Variants in PDE4B observed in about 807,000 individuals in gnomAD.
PDE4B encodes the protein phosphodiesterase 4B, also known as 3',5'-cyclic-AMP phosphodiesterase 4B.
In PDE4B, 20 loss-of-function variants were observed where a neutral mutation model predicts 82.2. The observed-to-expected ratio is 0.24, with a 90% confidence interval of 0.17 to 0.35. The LOEUF is 0.35. Ranked by LOEUF, PDE4B falls within the 10% of genes least tolerant of loss-of-function variation. The pLI is 1.00. For synonymous variants in PDE4B, 320 were observed against 318.9 expected, an observed-to-expected ratio of 1.00 and a Z score of -0.04; for missense variants, 655 against 907.2, an observed-to-expected ratio of 0.72 and a Z score of 3.57.
At chr1:65,870,342 A>C (rs987875656) in intron 1 of PDE4B, among the ~76,000 whole-genome samples, 1 of 152,178 alleles carries the variant, frequency 6.6e-6, no homozygotes, top group Non-Finnish European at 1.5e-5. Context: ...CATAAAGTGT[A>C]TCATTTCTCC....
intron 8 of PDE4B, among the ~76,000 whole-genome samples, chr1:66,346,466 G>A (rs1188160939): frequency 6.6e-6 from 1 of 152,194 alleles, no homozygotes; most frequent in Non-Finnish European, 1.5e-5. Flanking sequence ...TTTAACTTAA[G>A]CATAAGACCA....
chr1:66,273,469 A>C (rs1466915326), intron 7 of PDE4B, among the ~76,000 whole-genome samples: 1 of 152,266 alleles, frequency 6.6e-6, no homozygotes, highest in East Asian at 1.9e-4. Flanking sequence ...GATATATACT[A>C]TGTGCATAGG....
chr1:65,821,140 T>C (rs1645947283), intron 1 of PDE4B, among the ~76,000 whole-genome samples: 1 of 152,234 alleles, frequency 6.6e-6, no homozygotes, highest in Non-Finnish European at 1.5e-5. Flanking sequence ...TCTCTAATGA[T>C]GACTCCAGCT....
chr1:65,926,998 G>T (rs1647538517), intron 3 of PDE4B, among the ~76,000 whole-genome samples: 1 of 152,056 alleles, frequency 6.6e-6, no homozygotes, highest in South Asian at 2.1e-4. Flanking sequence ...CACCAGGCTA[G>T]AATTTTATAA....
At chr1:65,950,530 T>A (rs764299562) in intron 3 of PDE4B, among the ~76,000 whole-genome samples, 12 of 151,956 alleles carry the variant, frequency 7.9e-5, no homozygotes, top group Non-Finnish European at 1.2e-4. Flanking sequence ...CAGAATAGGA[T>A]GGGGAAAACG....
At chr1:65,881,277 C>T (rs527309080) in intron 1 of PDE4B, among the ~76,000 whole-genome samples, 1 of 152,262 alleles carries the variant, frequency 6.6e-6, no homozygotes, top group African/African-American at 2.4e-5. Context: ...TTTCCCTCAC[C>T]AAAGTCCTGT....
chr1:65,840,197 G>A (rs770536818), intron 1 of PDE4B, among the ~76,000 whole-genome samples: 5 of 151,980 alleles, frequency 3.3e-5, no homozygotes, highest in Non-Finnish European at 7.4e-5. Context: ...GTGTGTGTAC[G>A]TATAAAATGG....
chr1:66,288,107 A>C (rs981831321), intron 7 of PDE4B, among the ~76,000 whole-genome samples: 1 of 152,262 alleles, frequency 6.6e-6, no homozygotes, highest in East Asian at 1.9e-4. Flanking sequence ...AGGAAGCATA[A>C]TAATGTCATC....
At chr1:66,259,580 G>A (rs1182306214) in intron 6 of PDE4B, among the ~76,000 whole-genome samples, 2 of 152,056 alleles carry the variant, frequency 1.3e-5, no homozygotes, top group Non-Finnish European at 2.9e-5. Context: ...ACCAAACCTG[G>A]CTGAGTGGCC....
At chr1:66,339,656 A>C (rs1660808633) in intron 8 of PDE4B, among the ~76,000 whole-genome samples, 1 of 152,176 alleles carries the variant, frequency 6.6e-6, no homozygotes, top group South Asian at 2.1e-4. Context: ...TTTTAAGGGG[A>C]GTATCTTTCT....
intron 3 of PDE4B, among the ~76,000 whole-genome samples, chr1:66,076,265 A>T (rs1656431948): frequency 6.6e-6 from 1 of 152,170 alleles, no homozygotes; most frequent in Non-Finnish European, 1.5e-5. Flanking sequence ...CTTGTAAGTG[A>T]GAACATGTAG....
intron 7 of PDE4B, among the ~76,000 whole-genome samples, chr1:66,282,052 G>C (rs1367841515): frequency 6.6e-6 from 1 of 152,152 alleles, no homozygotes; most frequent in South Asian, 2.1e-4. Flanking sequence ...TGCCCACACA[G>C]GTACCTGCGT....
At chr1:65,929,334 C>CA (rs1647699652) in intron 3 of PDE4B, among the ~76,000 whole-genome samples, 1 of 152,110 alleles carries the variant, frequency 6.6e-6, no homozygotes, top group South Asian at 2.1e-4. Context: ...TTCCTTCTGG[C>CA]AAAAAAGATT....
intron 3 of PDE4B, among the ~76,000 whole-genome samples, chr1:66,135,855 G>C (rs1480723990): frequency 6.6e-6 from 1 of 152,138 alleles, no homozygotes; most frequent in Admixed American, 6.5e-5. Flanking sequence ...TTTCAAGTTT[G>C]CATTTTAAGC....
chr1:66,358,920 G>T (rs560233843), intron 9 of PDE4B, among the ~76,000 whole-genome samples: 1 of 152,120 alleles, frequency 6.6e-6, no homozygotes, highest in South Asian at 2.1e-4. Context: ...AGTGGTGCAG[G>T]AGGACAGGGA....
At position 65,793,113 on chromosome 1, in the gene PDE4B, A is replaced by G. The variant is rs1431574221; in HGVS notation, c.-206A>G. On this transcript the variant is annotated 5_prime_UTR_variant, in exon 1 of 17. Transcript: ENST00000341517. ...CAGACTTTCGTCCCCCACCCCCGGG[A>G]GCGCGGAAGGCTCACTCGCAGCGCA... The G allele has an allele frequency of 1.3e-5, 2 of 151,746 alleles. No individual in the cohort carries two copies. Among genetic ancestry groups the G allele is most frequent in the Non-Finnish European group, 2.9e-5 (2 of 68,000 alleles). The allele number at this position is 151,746 out of a possible 1,614,324, so 9.4% of individuals were successfully genotyped here.
At chr1:66,154,279 A>G (rs187717247) in intron 3 of PDE4B, among the ~76,000 whole-genome samples, 147 of 152,314 alleles carry the variant, frequency 9.7e-4, no homozygotes, top group African/African-American at 3.3e-3. Context: ...TGTAATCTGA[A>G]CATAGAGCAC....
intron 3 of PDE4B, among the ~76,000 whole-genome samples, chr1:66,058,314 T>C (rs571855779): frequency 3.6e-4 from 55 of 152,308 alleles, no homozygotes; most frequent in African/African-American, 1.3e-3. Flanking sequence ...TGGGTTAGCA[T>C]TGAGTGTCTG....
At chr1:66,288,945 A>G (rs946511365) in intron 7 of PDE4B, among the ~76,000 whole-genome samples, 2 of 152,194 alleles carry the variant, frequency 1.3e-5, no homozygotes, top group African/African-American at 4.8e-5. Context: ...TGTGGTTTCA[A>G]CTGCACAGAT....
Sources: gnomAD v4.1 joint callset for allele counts (sites outside exome capture counted in the v4.1 genomes callset) on GRCh38, gnomAD v4.1.1 for gene constraint, MANE v1.5 for transcripts, NCBI Gene and HGNC (gene_info 2026-07-23, HGNC 2026-07-21) for gene names.